Variants in CARMIL1 observed in about 807,000 individuals in gnomAD.
The protein encoded by CARMIL1 is F-actin-uncapping protein LRRC16A.
CARMIL1 carries 90 observed loss-of-function variants against 177.1 expected under a neutral mutation model. The observed-to-expected ratio is 0.51, with a 90% CI of 0.43 to 0.61. CARMIL1 has a LOEUF of 0.61. Ranked by LOEUF, CARMIL1 falls within the 20% of genes least tolerant of loss-of-function variation. The pLI is 0.00. For synonymous variants in CARMIL1, 577 were observed against 606.2 expected (o/e 0.95, Z 0.71); for missense variants, 1,380 against 1,667.0 (o/e 0.83, Z 3.00).
intron 2 of CARMIL1, among the ~76,000 whole-genome samples, chr6:25,349,431 T>A (rs1787881093): frequency 6.6e-6 from 1 of 152,222 alleles, no homozygotes; most frequent in African/African-American, 2.4e-5. Flanking sequence ...CTGTATAGGT[T>A]TAAGGCAGAT....
chr6:25,364,816 C>G (rs1033577401), intron 2 of CARMIL1, among the ~76,000 whole-genome samples: 2 of 152,166 alleles, frequency 1.3e-5, no homozygotes, highest in Admixed American at 1.3e-4. Context: ...CCATCCGCCT[C>G]GGCCTCCCAA....
intron 2 of CARMIL1, among the ~76,000 whole-genome samples, chr6:25,386,171 T>C (rs1792139116): frequency 6.6e-6 from 1 of 152,204 alleles, no homozygotes; most frequent in African/African-American, 2.4e-5. Context: ...CCAATCACAC[T>C]GGTTATTTGC....
intron 16 of CARMIL1, among the ~76,000 whole-genome samples, chr6:25,498,251 A>T (rs938798939): frequency 6.6e-6 from 1 of 152,226 alleles, no homozygotes; most frequent in Non-Finnish European, 1.5e-5. Context: ...GAGCTGGAAG[A>T]ATTAAATACA....
chr6:25,550,020 G>A (rs1311012546), intron 26 of CARMIL1, among the ~76,000 whole-genome samples: 1 of 152,180 alleles, frequency 6.6e-6, no homozygotes, highest in Non-Finnish European at 1.5e-5. Context: ...CAAATGGAGA[G>A]ATCAGTAACT....
At chr6:25,433,966 G>A (rs1170460317) in intron 4 of CARMIL1, among the ~76,000 whole-genome samples, 3 of 152,172 alleles carry the variant, frequency 2.0e-5, no homozygotes, top group African/African-American at 7.2e-5. Flanking sequence ...ACATTATAAA[G>A]TGTTCTCCAT....
At chr6:25,423,797 A>G (rs1311160853) in intron 3 of CARMIL1, among the ~76,000 whole-genome samples, 1 of 152,132 alleles carries the variant, frequency 6.6e-6, no homozygotes, top group African/African-American at 2.4e-5. Flanking sequence ...ATAATTCACT[A>G]ATTTCTGTGG....
chr6:25,327,820 C>T (rs992770143), intron 2 of CARMIL1, among the ~76,000 whole-genome samples: 7 of 152,208 alleles, frequency 4.6e-5, no homozygotes, highest in Non-Finnish European at 1.0e-4. Context: ...TAATCTGTCA[C>T]TTAGCAAATT....
intron 29 of CARMIL1, among the ~76,000 whole-genome samples, chr6:25,571,379 A>T (rs1199288762): frequency 1.3e-5 from 2 of 152,148 alleles, no homozygotes; most frequent in African/African-American, 2.4e-5. Flanking sequence ...AGTACAGAGG[A>T]TTGTAAGAGA....
chr6:25,389,404 C>G (rs772222909), intron 2 of CARMIL1, among the ~76,000 whole-genome samples: 58 of 152,220 alleles, frequency 3.8e-4, no homozygotes, highest in Non-Finnish European at 1.5e-4. Context: ...TGCCCTTGAA[C>G]TCCTGGACTC....
chr6:25,559,399 T>C (rs911172538), intron 29 of CARMIL1, among the ~76,000 whole-genome samples: 8 of 152,214 alleles, frequency 5.3e-5, no homozygotes, highest in African/African-American at 1.9e-4. Context: ...TAAATGAGTG[T>C]ATGCATTTTC....
At chr6:25,279,893 C>G in intron 1 of CARMIL1, 58 bp downstream of exon 1, 1 of 1,562,862 alleles carries the variant, frequency 6.4e-7, no homozygotes, top group South Asian at 1.1e-5. Flanking sequence ...TCACCTCTCT[C>G]TCCCTTCCCA....
intron 29 of CARMIL1, among the ~76,000 whole-genome samples, chr6:25,571,298 G>A (rs1812043551): frequency 6.6e-6 from 1 of 152,080 alleles, no homozygotes; most frequent in South Asian, 2.1e-4. Context: ...ATAATGACTA[G>A]TAATTTAAGA....
chr6:25,614,366 CCTTTA>C (rs1214146826), intron 36 of CARMIL1, among the ~76,000 whole-genome samples: 1 of 152,078 alleles, frequency 6.6e-6, no homozygotes, highest in Non-Finnish European at 1.5e-5. Context: ...TTAAGTTGAC[CCTTTA>C]CTTTTATAGA....
chr6:25,576,234 T>A (rs748411306), intron 29 of CARMIL1, among the ~76,000 whole-genome samples: 12 of 152,090 alleles, frequency 7.9e-5, no homozygotes, highest in East Asian at 3.9e-4. Flanking sequence ...GATTTTTTTT[T>A]AAATCTAAGG....
intron 2 of CARMIL1, among the ~76,000 whole-genome samples, chr6:25,352,335 G>A (rs1248390690): frequency 1.5e-5 from 2 of 133,694 alleles, no homozygotes; most frequent in Non-Finnish European, 3.2e-5. Context: ...TTTTTTTTTT[G>A]AGGTGAGGCT....
chr6:25,515,962 G>A lies in CARMIL1; in HGVS notation c.1805+115G>A. ...CCTGGGCTTCCCATGAGGCCATCTT[G>A]AGGAGAAGAGGTGACAATGTCAAGA... On this transcript the variant is annotated intron_variant, in intron 21 of 36. Coordinates refer to ENST00000329474, the MANE Select transcript of CARMIL1 (RefSeq NM_017640.6). The surrounding 1 kb of genome is among the most constrained non-coding windows in gnomAD (Gnocchi z 5.0). 1 of 971,986 alleles carries A rather than the reference G, an allele frequency of 1.0e-6. No homozygotes were observed. Among genetic ancestry groups the A allele is most frequent in the Non-Finnish European group, 1.5e-6 (1 of 678,110 alleles). 60.2% of individuals were successfully genotyped at this position (971,986 alleles called of 1,614,324 possible). A position where few individuals can be genotyped will look rare whatever the true frequency, so the allele number is the denominator to read the frequency against.
intron 15 of CARMIL1, among the ~76,000 whole-genome samples, chr6:25,493,526 A>G (rs1803425151): frequency 6.6e-6 from 1 of 152,194 alleles, no homozygotes; most frequent in Non-Finnish European, 1.5e-5. Context: ...GTGGGCTGGC[A>G]TATAACCTTC....
intron 16 of CARMIL1, among the ~76,000 whole-genome samples, chr6:25,498,979 ACCTCCAG>A (rs1804020597): frequency 6.6e-6 from 1 of 152,166 alleles, no homozygotes; most frequent in African/African-American, 2.4e-5. Flanking sequence ...GAAGGCACTC[ACCTCCAG>A]CCTCCTAACA....
chr6:25,454,320 A>G (rs1289212064), intron 8 of CARMIL1, among the ~76,000 whole-genome samples: 4 of 152,256 alleles, frequency 2.6e-5, no homozygotes, highest in Non-Finnish European at 5.9e-5. Flanking sequence ...TGCTGTTGCA[A>G]TTATACAATT....
Sources: gnomAD v4.1 joint callset for allele counts (sites outside exome capture counted in the v4.1 genomes callset) on GRCh38, gnomAD v4.1.1 for gene constraint, Gnocchi (gnomAD v3.1) non-coding constraint, MANE v1.5 for transcripts, NCBI Gene and HGNC (gene_info 2026-07-23, HGNC 2026-07-21) for gene names.